The following VEPH1 variants were observed in gnomAD, a reference collection of about 807,000 sequenced individuals.
The protein encoded by VEPH1 is ventricular zone expressed PH domain containing 1, also known as ventricular zone-expressed PH domain-containing protein homolog 1.
Under a neutral mutation model 85.2 loss-of-function variants are expected in VEPH1, and 80 were observed. That is an observed-to-expected ratio of 0.94 (90% CI 0.78 to 1.13). The LOEUF (loss-of-function observed/expected upper bound fraction) is 1.13. Among genes scored for constraint, VEPH1 ranks in the 50% most tolerant of loss-of-function variants. VEPH1 has a pLI of 0.00. For synonymous variants in VEPH1, 297 were observed against 348.0 expected (o/e 0.85, Z 1.63); for missense variants, 955 against 980.5 (o/e 0.97, Z 0.35).
At chr3:157,351,064 G>A (rs924524288) in intron 9 of VEPH1, among the ~76,000 whole-genome samples, 3 of 151,874 alleles carry the variant, frequency 2.0e-5, no homozygotes, top group African/African-American at 4.8e-5. Flanking sequence ...AGACATTTGC[G>A]CCCCCATGCT....
chr3:157,286,830 C>T (rs903228075), intron 11 of VEPH1, among the ~76,000 whole-genome samples, 156 bp from the exon 12 acceptor site: 1 of 152,114 alleles, frequency 6.6e-6, no homozygotes, highest in East Asian at 1.9e-4. Context: ...TCTTGGCCAA[C>T]CTTAAAAAAA....
intron 11 of VEPH1, among the ~76,000 whole-genome samples, chr3:157,304,708 G>T (rs1335974407): frequency 6.6e-6 from 1 of 151,902 alleles, no homozygotes; most frequent in African/African-American, 2.4e-5. Context: ...CAAGTAAACT[G>T]CTCATTTACA....
intron 3 of VEPH1, among the ~76,000 whole-genome samples, chr3:157,468,856 T>C (rs1372223486): frequency 8.5e-5 from 13 of 152,138 alleles, no homozygotes; most frequent in Admixed American, 8.5e-4. Flanking sequence ...ATTCGTATTC[T>C]TTTTCTCCCT....
intron 12 of VEPH1, among the ~76,000 whole-genome samples, chr3:157,277,646 C>A (rs1715563939): frequency 6.6e-6 from 1 of 152,188 alleles, no homozygotes; most frequent in Non-Finnish European, 1.5e-5. Context: ...TTAGCAGTTA[C>A]ATAAACACCA....
At chr3:157,262,147 C>T (rs2108230229) in intron 13 of VEPH1, among the ~76,000 whole-genome samples, 1 of 152,282 alleles carries the variant, frequency 6.6e-6, no homozygotes, top group Non-Finnish European at 1.5e-5. Context: ...CCTCTTCACT[C>T]ATCCCATACT....
At chr3:157,273,594 A>G (rs1341547703) in intron 12 of VEPH1, among the ~76,000 whole-genome samples, 1 of 152,194 alleles carries the variant, frequency 6.6e-6, no homozygotes, top group African/African-American at 2.4e-5. Context: ...GGAGGCATAA[A>G]ATGCATTCTA....
intron 4 of VEPH1, chr3:157,442,292 ATAAC>A (rs1734184914): frequency 1.5e-6 from 2 of 1,303,888 alleles, no homozygotes; most frequent in South Asian, 1.6e-5. Flanking sequence ...CTTATGTTAA[ATAAC>A]TAATGCCAGA....
chr3:157,309,086 G>GTTA (rs1212966254), intron 11 of VEPH1, among the ~76,000 whole-genome samples: 13 of 151,796 alleles, frequency 8.6e-5, no homozygotes, highest in Admixed American at 2.6e-4. Flanking sequence ...ATTTGTTGTT[G>GTTA]TTGTTATTAT....
chr3:157,378,038 A>T (rs1185297587), intron 7 of VEPH1, among the ~76,000 whole-genome samples: 1 of 151,892 alleles, frequency 6.6e-6, no homozygotes, highest in Admixed American at 6.6e-5. Context: ...CCAAACTTTC[A>T]CTCATGGCAC....
intron 9 of VEPH1, among the ~76,000 whole-genome samples, chr3:157,361,263 G>T (rs1208456862): frequency 6.6e-6 from 1 of 152,140 alleles, no homozygotes; most frequent in Non-Finnish European, 1.5e-5. Flanking sequence ...AAAAGTCTTA[G>T]GAAGGCTAAT....
intron 9 of VEPH1, among the ~76,000 whole-genome samples, chr3:157,317,463 A>C (rs1036389490): frequency 6.6e-6 from 1 of 152,224 alleles, no homozygotes; most frequent in African/African-American, 2.4e-5. Context: ...AAACCCTCTC[A>C]CCAATAAAAT....
rs140277345 is a variant in VEPH1 at position 157,312,900 on chromosome 3, A to ATTTT, written c.2010+717_2010+720dup. Among the ~76,000 whole-genome samples the ATTTT allele has an allele frequency of 9.1e-3, 888 of 98,064 alleles. 57 individuals are homozygous for ATTTT. The highest frequency in any genetic ancestry group is 0.035 in the African/African-American group (844 of 24,006). The allele number at this position is 98,064 out of a possible 152,430, so 64.3% of individuals were successfully genotyped here. A position where few individuals can be genotyped will look rare whatever the true frequency, so the allele number is the denominator to read the frequency against. On this transcript the variant is annotated intron_variant, in intron 11 of 13. Coordinates refer to ENST00000362010, the MANE Select transcript of VEPH1 (RefSeq NM_001167912.2). ...TATGCCTGGCTAATTAAAAAAAAAC[A>ATTTT]TTTTTTTTTTTTTTTTTTTTTTGAG...
chr3:157,350,609 C>T (rs1724756001), intron 9 of VEPH1, among the ~76,000 whole-genome samples: 3 of 152,184 alleles, frequency 2.0e-5, no homozygotes, highest in South Asian at 4.2e-4. Flanking sequence ...TAAATATTTG[C>T]AAACTATTCA....
chr3:157,308,401 A>C (rs1056745440), intron 11 of VEPH1, among the ~76,000 whole-genome samples: 1 of 152,014 alleles, frequency 6.6e-6, no homozygotes, highest in African/African-American at 2.4e-5. Flanking sequence ...TTCGTTTCAT[A>C]CGTAGCTAAA....
At chr3:157,371,199 A>G (rs934755550) in intron 7 of VEPH1, among the ~76,000 whole-genome samples, 1 of 152,234 alleles carries the variant, frequency 6.6e-6, no homozygotes, top group Admixed American at 6.5e-5. Flanking sequence ...AGTGCGTACT[A>G]AAAGAGAGGG....
intron 6 of VEPH1, among the ~76,000 whole-genome samples, chr3:157,406,581 C>A (rs1463937408): frequency 7.0e-6 from 1 of 141,990 alleles, no homozygotes; most frequent in East Asian, 2.3e-4. Context: ...TGGTGCTTGG[C>A]CAGCATATTC....
intron 9 of VEPH1, among the ~76,000 whole-genome samples, chr3:157,356,217 A>AAAAC (rs201579177): frequency 6.6e-6 from 1 of 151,912 alleles, no homozygotes; most frequent in African/African-American, 2.4e-5. Flanking sequence ...TTTTATAAGA[A>AAAAC]AAACAAACAA....
chr3:157,492,572 T>C (rs1400278362), intron 2 of VEPH1, among the ~76,000 whole-genome samples: 3 of 152,186 alleles, frequency 2.0e-5, no homozygotes, highest in Non-Finnish European at 4.4e-5. Context: ...CTGGTGCTTA[T>C]CTTCAAAAGG....
chr3:157,356,118 T>C lies in VEPH1; in HGVS notation c.1735+7246A>G, dbSNP rs985341566. Among the ~76,000 whole-genome samples, 4 of 152,180 alleles carry C rather than the reference T, an allele frequency of 2.6e-5. 1 individual carries two copies. The highest frequency in any genetic ancestry group is 2.4e-5 in the African/African-American group (1 of 41,518). ...TTCACCATACTGCCCAGGCTGGCCGTGAACTCCTGGGCTCAAGCAACTCAC... is the reference window on the plus strand; with the variant it reads ...TTCACCATACTGCCCAGGCTGGCCGCGAACTCCTGGGCTCAAGCAACTCAC... On this transcript the variant is annotated intron_variant, in intron 9 of 13. Coordinates refer to ENST00000362010, the MANE Select transcript of VEPH1 (RefSeq NM_001167912.2).
Sources: allele counts gnomAD v4.1 joint callset (sites outside exome capture counted in the v4.1 genomes callset), GRCh38; gene constraint gnomAD v4.1.1; transcripts MANE v1.5; gene names NCBI Gene and HGNC (gene_info 2026-07-23, HGNC 2026-07-21).